ICAM1: variants seen among roughly 807,000 people sequenced by gnomAD.
ICAM1 encodes ICAM-1.
In ICAM1, 28 loss-of-function variants were observed where a neutral mutation model predicts 42.3. The observed-to-expected ratio is 0.66, with a 90% CI of 0.49 to 0.91. The LOEUF is 0.91. ICAM1 is among the 40% of genes least tolerant of loss of function. ICAM1 has a pLI of 0.00. For missense variants in ICAM1, 637 were observed against 688.6 expected (o/e 0.93, Z 0.84); for synonymous variants, 304 against 305.9 (o/e 0.99, Z 0.07).
intron 1 of ICAM1, among the ~76,000 whole-genome samples, chr19:10,274,130 C>T (rs1019649853): frequency 3.9e-5 from 6 of 152,120 alleles, no homozygotes; most frequent in Non-Finnish European, 7.4e-5. Context: ...CACCCTGCCC[C>T]GGGACATCTG....
In ICAM1 at chr19:10,284,020, C is replaced by A; in HGVS notation, c.638-13C>A. 1 of 1,608,164 alleles carries A rather than the reference C, an allele frequency of 6.2e-7. No individual in the cohort carries two copies. Among genetic ancestry groups the A allele is most frequent in the Non-Finnish European group, 8.5e-7 (1 of 1,175,782 alleles). On this transcript the variant is annotated splice_polypyrimidine_tract_variant and intron_variant, in intron 3 of 6. Transcript: ENST00000264832. The surrounding 1 kb of genome is among the most constrained non-coding windows in gnomAD (Gnocchi z 5.4). ...TCCATCCCTGTCTGCTCACACCTTT[C>A]TTCTCTCCCTAGTCCTGCCAGCGAC... is the stretch of plus-strand genomic sequence containing the variant.
chr19:10,283,200 T>A, intron 2 of ICAM1: 1 of 336,514 alleles, frequency 3.0e-6, no homozygotes, highest in Non-Finnish European at 5.4e-6. Context: ...GCTGCTGAAT[T>A]TATTTGACCA....
chr19:10,284,787 C>A lies in ICAM1; in HGVS notation c.1185C>A (p.Gly395=). The A allele has an allele frequency of 6.2e-7, 1 of 1,605,796 alleles. No individual in the cohort carries two copies. The highest frequency in any genetic ancestry group is 8.5e-7 in the Non-Finnish European group (1 of 1,177,864). The change falls in exon 6 of 7, where the codon GGC becomes GGA. Residue 395 remains glycine (G), a synonymous_variant. Transcript: ENST00000264832. This position sits in a 1 kb window ranked among gnomAD's most constrained non-coding sequence, Gnocchi z 5.4. ...CATCTCATCGTGTTTTTCCAGATGG[C>A]CCCCGACTGGACGAGAGGGATTGTC... ...NQTRELRVLY[G]PRLDERDCPG...
At chr19:10,275,898 C>T (rs1403109527) in intron 2 of ICAM1, among the ~76,000 whole-genome samples, 6 of 151,250 alleles carry the variant, frequency 4.0e-5, no homozygotes, top group Admixed American at 6.6e-5. Flanking sequence ...TTAGTAGAGA[C>T]GGGGTTTCAC....
In ICAM1 at chr19:10,281,532, T is replaced by C. The variant is rs5030372; in HGVS notation, c.332-1949T>C. The stretch of plus-strand genomic sequence containing the variant: ...TGACTACAATCTAATTTTAAAATAT[T>C]TCAATCACTCTAAAAAAGAAACCTC... On this transcript the variant is annotated intron_variant, in intron 2 of 6. Transcript: ENST00000264832. 9.1e-3 allele frequency among the ~76,000 whole-genome samples: 1,377 copies of C among 152,132 alleles called. 12 individuals are homozygous for C. The highest frequency in any genetic ancestry group is 0.03 in the African/African-American group (1,236 of 41,498).
rs887327445 is a variant in ICAM1 at position 10,283,761 on chromosome 19, G to A, written c.612G>A (p.Ser204=). ...PQGLELFENT[S]APYQLQTFVL... ...GGCTGGAGCTGTTTGAGAACACCTC[G>A]GCCCCCTACCAGCTCCAGACCTTTG... The change falls in exon 3 of 7, where the codon TCG becomes TCA. Residue 204 remains serine, a synonymous_variant. Coordinates refer to ENST00000264832, the MANE Select transcript of ICAM1 (RefSeq NM_000201.3). The A allele has an allele frequency of 9.3e-6, 15 of 1,609,650 alleles. No individual in the cohort carries two copies. The highest frequency in any genetic ancestry group is 4.0e-5 in the African/African-American group (3 of 74,834).
intron 1 of ICAM1, 130 bp downstream of exon 1, chr19:10,271,356 C>T: frequency 2.7e-6 from 2 of 740,914 alleles, no homozygotes; most frequent in Non-Finnish European, 4.4e-6. Flanking sequence ...GATTGAAAGG[C>T]AACAGCCAGT....
chr19:10,281,087 A>C (rs1032436887), intron 2 of ICAM1, among the ~76,000 whole-genome samples: 5 of 150,284 alleles, frequency 3.3e-5, no homozygotes, highest in Non-Finnish European at 5.9e-5. Context: ...GTTAGCCAGG[A>C]TGGTCTTGAT....
rs767201668 is a variant in ICAM1 at position 10,274,776 on chromosome 19, G to A, written c.79G>A (p.Ala27Thr). The change falls in exon 2 of 7, where the codon GCC becomes ACC. Residue 27 changes from alanine to threonine, a missense_variant. Ala to Thr is a moderately conservative substitution (Grantham distance 58). Coordinates refer to ENST00000264832, the MANE Select transcript of ICAM1 (RefSeq NM_000201.3). ...LGALFPGPGN[A>T]QTSVSPSKVI... Reference sequence around the variant, plus strand: ...CTCGTTTCTTCTAGGACCTGGCAATGCCCAGACATCTGTGTCCCCCTCAAA... The same window carrying A: ...CTCGTTTCTTCTAGGACCTGGCAATACCCAGACATCTGTGTCCCCCTCAAA... The A allele has an allele frequency of 3.7e-6, 6 of 1,613,128 alleles. No homozygotes were observed. The East Asian group carries it at 1.3e-4, about 36-fold the overall frequency.
intron 2 of ICAM1, among the ~76,000 whole-genome samples, chr19:10,279,566 C>A (rs1039396736): frequency 1.3e-5 from 2 of 151,940 alleles, no homozygotes; most frequent in Admixed American, 6.6e-5. Context: ...CTGCAGCCTC[C>A]TCCACCTCCT....
rs1158121273 is a variant in ICAM1, at chr19:10,286,297, C to A, written c.*1010C>A. ...CCTGCAGTGATCAGGGTCCTGCAAG[C>A]AGTGGGGAAGGGGGCCAAGGTATTG... is the stretch of plus-strand genomic sequence containing the variant. On this transcript the variant is annotated 3_prime_UTR_variant, in exon 7 of 7. Coordinates refer to ENST00000264832, the MANE Select transcript of ICAM1 (RefSeq NM_000201.3). 1 of 152,608 alleles carries A rather than the reference C, an allele frequency of 6.6e-6. No individual in the cohort carries two copies. The highest frequency in any genetic ancestry group is 2.4e-5 in the African/African-American group (1 of 41,458). The allele number at this position is 152,608 out of a possible 1,614,324, so 9.5% of individuals were successfully genotyped here. A position where few individuals can be genotyped will look rare whatever the true frequency, so the allele number is the denominator to read the frequency against.
intron 3 of ICAM1, 57 bp from the exon 4 acceptor site, chr19:10,283,976 A>G (rs753843594): frequency 1.3e-6 from 2 of 1,561,600 alleles, no homozygotes; most frequent in Non-Finnish European, 1.7e-6. Context: ...GAAATGCCCC[A>G]GAGAAGGGCT....
chr19:10,283,424 G>A (rs1483809504), intron 2 of ICAM1, 57 bp from the exon 3 acceptor site: 3 of 1,498,480 alleles, frequency 2.0e-6, no homozygotes, highest in Non-Finnish European at 1.8e-6. Context: ...CAGTTCGTCT[G>A]TTAGGCAGGC....
In ICAM1 at chr19:10,284,533, G is replaced by A. The variant is rs201383296; in HGVS notation, c.1056G>A (p.Pro352=). The A allele has an allele frequency of 2.6e-4, 419 of 1,613,986 alleles. No homozygotes were observed. The highest frequency in any genetic ancestry group is 1.2e-3 in the South Asian group (112 of 91,082). ...GGGTTCCAGCCCAGCCACTGGGCCC[G>A]AGGGCCCAGCTCCTGCTGAAGGCCA... ...LNGVPAQPLG[P]RAQLLLKATP... is the part of the protein sequence containing the mutation. The change falls in exon 5 of 7, where the codon CCG becomes CCA. Residue 352 remains proline (P), a synonymous_variant. Coordinates refer to ENST00000264832, the MANE Select transcript of ICAM1 (RefSeq NM_000201.3). This position sits in a 1 kb window ranked among gnomAD's most constrained non-coding sequence, Gnocchi z 5.4.
rs2039977777 is a variant in ICAM1, at chr19:10,271,227, G to C, written c.67+1G>C. ...GTCCTGCTCGGGGCTCTGTTCCCAG[G>C]TGAGTCGGGGTGGGGATTGCCGTCG... is the stretch of plus-strand genomic sequence containing the variant. On this transcript the variant is annotated splice_donor_variant, in intron 1 of 6. Coordinates refer to ENST00000264832, the MANE Select transcript of ICAM1 (RefSeq NM_000201.3). LOFTEE classifies it high-confidence loss of function. The C allele has an allele frequency of 6.2e-7, 1 of 1,612,800 alleles. No individual in the cohort carries two copies. The highest frequency in any genetic ancestry group is 1.3e-5 in the African/African-American group (1 of 75,032).
At position 10,284,620 on chromosome 19, in the gene ICAM1, T is replaced by C. The variant is rs1316057000; in HGVS notation, c.1143T>C (p.Leu381=). 1.2e-6 allele frequency: 2 copies of C among 1,614,148 alleles called. No homozygotes were observed. Among genetic ancestry groups the C allele is most frequent in the Non-Finnish European group, 1.7e-6 (2 of 1,180,016 alleles). Residue 381 remains leucine (L), a synonymous_variant, in exon 5 of 7, where the codon CTT becomes CTC. Transcript: ENST00000264832. This position sits in a 1 kb window ranked among gnomAD's most constrained non-coding sequence, Gnocchi z 5.4. The stretch of plus-strand genomic sequence containing the variant: ...CAACCCTGGAGGTGGCCGGCCAGCT[T>C]ATACACAAGAACCAGACCCGGGAGC... ...CSATLEVAGQ[L]IHKNQTRELR... is the part of the protein sequence containing the mutation.
Position 10,283,545 on chromosome 19 carries a change from C to A in ICAM1, c.396C>A (p.Thr132=), listed in dbSNP as rs758890106. 17 of 1,611,704 alleles carry A rather than the reference C, an allele frequency of 1.1e-5. No homozygotes were observed. The highest frequency in any genetic ancestry group is 1.7e-5 in the Admixed American group (1 of 59,934). ...GGCAGCCAGTGGGCAAGAACCTTACCCTACGCTGCCAGGTGGAGGGTGGGG... is the reference window on the plus strand; with the variant it reads ...GGCAGCCAGTGGGCAAGAACCTTACACTACGCTGCCAGGTGGAGGGTGGGG... ...PSWQPVGKNL[T]LRCQVEGGAP... The change falls in exon 3 of 7, where the codon ACC becomes ACA. Residue 132 remains threonine, a synonymous_variant. Coordinates refer to ENST00000264832, the MANE Select transcript of ICAM1 (RefSeq NM_000201.3).
At chr19:10,283,369 C>A in intron 2 of ICAM1, 112 bp from the exon 3 acceptor site, 1 of 1,015,380 alleles carries the variant, frequency 9.8e-7, no homozygotes, top group Non-Finnish European at 1.4e-6. Context: ...GGTGTCTGGG[C>A]GTGTTTGGGG....
chr19:10,274,367 T>G (rs1007895189), intron 1 of ICAM1, among the ~76,000 whole-genome samples: 3 of 149,872 alleles, frequency 2.0e-5, no homozygotes, highest in African/African-American at 7.4e-5. Context: ...CAGGCTGGAG[T>G]GCAGTGGCAC....
Sources: allele counts gnomAD v4.1 joint callset (sites outside exome capture counted in the v4.1 genomes callset), GRCh38; gene constraint gnomAD v4.1.1; non-coding constraint Gnocchi (gnomAD v3.1); transcripts MANE v1.5; gene names NCBI Gene and HGNC (gene_info 2026-07-23, HGNC 2026-07-21).